BICD1: variants seen among roughly 807,000 people sequenced by gnomAD.
BICD1 encodes the protein protein bicaudal D homolog 1.
BICD1 carries 35 observed loss-of-function variants against 92.5 expected under a neutral mutation model. That is an observed-to-expected ratio of 0.38 (90% CI 0.29 to 0.50). BICD1 has a LOEUF of 0.50. Among genes scored for constraint, BICD1 ranks in the 20% least tolerant of loss-of-function variants. BICD1 has a pLI of 0.93. For synonymous variants in BICD1, 429 were observed against 465.1 expected (o/e 0.92, Z 1.00); for missense variants, 950 against 1,189.8 (o/e 0.80, Z 2.97).
intron 8 of BICD1, among the ~76,000 whole-genome samples, chr12:32,354,726 A>G (rs1024965517): frequency 6.6e-6 from 1 of 152,228 alleles, no homozygotes; most frequent in African/African-American, 2.4e-5. Context: ...ACAGTGCTTC[A>G]CAGCTCTCCA....
In BICD1 at chr12:32,346,563, TATATATATATATATATATAC is replaced by T. The variant is rs1565687107; in HGVS notation, c.2764+7585_2764+7604del. On this transcript the variant is annotated intron_variant, in intron 8 of 9. Coordinates refer to ENST00000652176, the MANE Select transcript of BICD1 (RefSeq NM_001714.4). ...ATATATATATATATATATATATATATATATATATATATATATATACGTGTATATATATATATATATATATA... is the reference window on the plus strand; with the variant it reads ...ATATATATATATATATATATATATATGTGTATATATATATATATATATATA... Among the ~76,000 whole-genome samples, 2 of 41,354 alleles carry T rather than the reference TATATATATATATATATATAC, an allele frequency of 4.8e-5. 1 individual carries two copies. Among genetic ancestry groups the T allele is most frequent in the Non-Finnish European group, 7.2e-5 (2 of 27,612 alleles). 27.1% of individuals were successfully genotyped at this position (41,354 alleles called of 152,430 possible). A position where few individuals can be genotyped will look rare whatever the true frequency, so the allele number is the denominator to read the frequency against.
chr12:32,346,579 TATAC>T (rs1379006910), intron 8 of BICD1, among the ~76,000 whole-genome samples: 231 of 22,484 alleles, frequency 0.01, 14 homozygotes, highest in East Asian at 0.016. Flanking sequence ...TATATATATA[TATAC>T]GTGTATATAT....
intron 2 of BICD1, among the ~76,000 whole-genome samples, chr12:32,275,420 T>C (rs990446185): frequency 1.3e-5 from 2 of 152,196 alleles, no homozygotes; most frequent in Non-Finnish European, 2.9e-5. Flanking sequence ...TATATTTTTA[T>C]AATTTCTGGG....
chr12:32,180,221 C>T (rs761374233), intron 1 of BICD1, among the ~76,000 whole-genome samples: 4 of 151,856 alleles, frequency 2.6e-5, no homozygotes, highest in Admixed American at 6.6e-5. Flanking sequence ...TGCGACTCCT[C>T]TTAAAGAATC....
At chr12:32,363,367 T>C (rs1195373534) in intron 8 of BICD1, among the ~76,000 whole-genome samples, 2 of 152,116 alleles carry the variant, frequency 1.3e-5, no homozygotes, top group Admixed American at 6.6e-5. Flanking sequence ...CTGAGCGACA[T>C]AGCAAGACCT....
chr12:32,338,880 TC>T lies in BICD1; in HGVS notation c.2667del (p.Thr890GlnfsTer6), dbSNP rs760516704. 1 of 1,609,568 alleles carries T rather than the reference TC, an allele frequency of 6.2e-7. No individual in the cohort carries two copies. Among genetic ancestry groups the T allele is most frequent in the Admixed American group, 1.7e-5 (1 of 59,190 alleles). Reference protein sequence around the residue: ...NLLRVPPDPTSTESFLLKGPP... With the variant: ...NLLRVPPDPTXTESFLLKGPP... ...ATTAAGAGTTCCCCCTGATCCCACC[TC>T]CACAGAATCATTTCTTCTGAAGGGC... On this transcript the variant is annotated frameshift_variant, in exon 8 of 10. Coordinates refer to ENST00000652176, the MANE Select transcript of BICD1 (RefSeq NM_001714.4). LOFTEE classifies it high-confidence loss of function.
intron 1 of BICD1, among the ~76,000 whole-genome samples, chr12:32,173,472 G>A (rs1239585205): frequency 1.3e-5 from 2 of 152,182 alleles, no homozygotes; most frequent in African/African-American, 4.8e-5. Flanking sequence ...GAGTAGCTGA[G>A]GTAAGCGTGA....
intron 6 of BICD1, among the ~76,000 whole-genome samples, chr12:32,336,382 G>A (rs1472960326): frequency 6.6e-6 from 1 of 152,204 alleles, no homozygotes; most frequent in Non-Finnish European, 1.5e-5. Context: ...GAATAAAGAT[G>A]TTTCGGACAG....
intron 2 of BICD1, among the ~76,000 whole-genome samples, chr12:32,280,303 C>G (rs1021020054): frequency 3.9e-5 from 6 of 152,078 alleles, no homozygotes; most frequent in African/African-American, 1.5e-4. Context: ...ACATGAAAGT[C>G]CTCACAAGAC....
intron 8 of BICD1, among the ~76,000 whole-genome samples, chr12:32,361,813 T>A (rs79383369): frequency 0.017 from 2,655 of 152,274 alleles, 35 homozygotes; most frequent in Non-Finnish European, 0.028. Flanking sequence ...AAAGAGTTGC[T>A]GCTGTGCCTG....
intron 2 of BICD1, among the ~76,000 whole-genome samples, chr12:32,235,710 T>C (rs1042185482): frequency 2.2e-5 from 3 of 133,482 alleles, no homozygotes; most frequent in African/African-American, 9.8e-5. Flanking sequence ...TTCTTTTTTT[T>C]TTTTTTTTTA....
At chr12:32,320,903 A>T (rs553497346) in intron 4 of BICD1, among the ~76,000 whole-genome samples, 2 of 152,344 alleles carry the variant, frequency 1.3e-5, no homozygotes, top group African/African-American at 4.8e-5. Flanking sequence ...ACAGAAGATC[A>T]TAATAAACTC....
chr12:32,176,711 G>A (rs1470625333), intron 1 of BICD1, among the ~76,000 whole-genome samples: 5 of 152,064 alleles, frequency 3.3e-5, no homozygotes, highest in Admixed American at 2.6e-4. Context: ...TAAGGGTTTC[G>A]AGTTTCATCA....
rs1409541329 is a variant in BICD1, at chr12:32,380,744, G to A, written c.*3117G>A. ...TAATTTGGAGAACTTTGAGAAAAAGGAAAACTGTTAAATAAGAAAAGACCT... is the reference window on the plus strand; with the variant it reads ...TAATTTGGAGAACTTTGAGAAAAAGAAAAACTGTTAAATAAGAAAAGACCT... On this transcript the variant is annotated 3_prime_UTR_variant, in exon 10 of 10. Coordinates refer to ENST00000652176, the MANE Select transcript of BICD1 (RefSeq NM_001714.4). The A allele has an allele frequency of 1.3e-5, 2 of 152,018 alleles. No homozygotes were observed. The highest frequency in any genetic ancestry group is 4.8e-5 in the African/African-American group (2 of 41,412). The allele number at this position is 152,018 out of a possible 1,614,324, so 9.4% of individuals were successfully genotyped here.
chr12:32,108,449 T>C (rs1208015694), intron 1 of BICD1: 1 of 444,844 alleles, frequency 2.2e-6, no homozygotes, highest in African/African-American at 2.0e-5. Flanking sequence ...ATACATATTG[T>C]TTAAGTAACT....
In BICD1 at chr12:32,377,551, C is replaced by G; in HGVS notation, c.2852C>G (p.Ala951Gly). The stretch of plus-strand genomic sequence containing the variant: ...TTTCTCCTTTCCAGTCCTGACACAG[C>G]TCTCCCTGAGGAGCAGCCACATTCC... ...QDCPTVSPDT[A>G]LPEEQPHSSS... The change falls in exon 10 of 10, where the codon GCT (alanine) becomes GGT (glycine). Residue 951 changes from alanine (A) to glycine (G), a missense_variant. Physicochemically the swap from Ala to Gly is moderately conservative, Grantham distance 60. Around this residue, in one of 5 missense-constraint regions of BICD1, gnomAD observed 179 missense variants for 186.7 expected, o/e 0.96. Transcript: ENST00000652176. 1.2e-6 allele frequency: 2 copies of G among 1,614,086 alleles called. No individual in the cohort carries two copies. The highest frequency in any genetic ancestry group is 3.3e-4 in the Middle Eastern group (2 of 6,062).
intron 3 of BICD1, among the ~76,000 whole-genome samples, chr12:32,303,289 C>T (rs1226978646): frequency 2.0e-5 from 3 of 152,116 alleles, no homozygotes; most frequent in Non-Finnish European, 4.4e-5. Flanking sequence ...CATTCTTTCA[C>T]TGAAATAACA....
At chr12:32,130,542 A>G (rs1367875403) in intron 1 of BICD1, among the ~76,000 whole-genome samples, 1 of 152,214 alleles carries the variant, frequency 6.6e-6, no homozygotes, top group Non-Finnish European at 1.5e-5. Flanking sequence ...GTGTAGAGGT[A>G]GAAGTGTGAA....
rs1201452393 is a variant in BICD1 at position 32,331,019 on chromosome 12, A to C, written c.2100+2464A>C. Among the ~76,000 whole-genome samples, 4 of 152,286 alleles carry C rather than the reference A, an allele frequency of 2.6e-5. No individual in the cohort carries two copies. The East Asian group carries it at 7.7e-4, about 29-fold the overall frequency. On this transcript the variant is annotated intron_variant, in intron 5 of 9. Coordinates refer to ENST00000652176, the MANE Select transcript of BICD1 (RefSeq NM_001714.4). ...CGTGGTGGCGGGTGCCTGTAATCCC[A>C]GCTACTCGGGAGGCTGAGGCAGGAG... is the stretch of plus-strand genomic sequence containing the variant.
Sources: allele counts gnomAD v4.1 joint callset (sites outside exome capture counted in the v4.1 genomes callset), GRCh38; gene constraint gnomAD v4.1.1; regional missense constraint gnomAD v4.1.1; transcripts MANE v1.5; gene names NCBI Gene and HGNC (gene_info 2026-07-23, HGNC 2026-07-21).